PLA2G3: variants seen among roughly 807,000 people sequenced by gnomAD.
PLA2G3 encodes group 3 secretory phospholipase A2.
PLA2G3 carries 39 observed loss-of-function variants against 51.3 expected under a neutral mutation model. The observed-to-expected ratio is 0.76, with a 90% CI of 0.59 to 0.99. PLA2G3 has a LOEUF of 0.99. Among genes scored for constraint, PLA2G3 ranks in the 50% least tolerant of loss-of-function variants. The pLI is 0.00. For missense variants in PLA2G3, 677 were observed against 662.1 expected, an observed-to-expected ratio of 1.02 and a Z score of -0.25; for synonymous variants, 293 against 263.1, an observed-to-expected ratio of 1.11 and a Z score of -1.10.
At position 31,137,991 on chromosome 22, in the gene PLA2G3, C is replaced by T; in HGVS notation, c.785G>A (p.Cys262Tyr). The T allele has an allele frequency of 1.3e-6, 2 of 1,542,414 alleles. No individual in the cohort carries two copies. Among genetic ancestry groups the T allele is most frequent in the Non-Finnish European group, 1.7e-6 (2 of 1,150,102 alleles). ...GAGGGGCACTGTGCCGTACATCCTACACCTGGGTGGTGGCAGTTGGTGGAA... is the reference window on the plus strand; with the variant it reads ...GAGGGGCACTGTGCCGTACATCCTATACCTGGGTGGTGGCAGTTGGTGGAA... ...ACVAWYWWGG[C>Y]RMYGTVPLAR... The change falls in exon 4 of 7, where the codon TGT becomes TAT. Residue 262 changes from cysteine to tyrosine, a missense_variant and splice_region_variant. Physicochemically the swap from Cys to Tyr is radical, Grantham distance 194. Coordinates refer to ENST00000215885, the MANE Select transcript of PLA2G3 (RefSeq NM_015715.5).
In PLA2G3 at chr22:31,136,400, G is replaced by A. The variant is rs140354377; in HGVS notation, c.1316+283C>T. On this transcript the variant is annotated intron_variant, in intron 6 of 6. Transcript: ENST00000215885. Reference sequence around the variant, plus strand: ...CCTATGTGCATCCTGCCGTTTCCTTGGTTCCTACGACCATTTTACAGACAA... The same window carrying A: ...CCTATGTGCATCCTGCCGTTTCCTTAGTTCCTACGACCATTTTACAGACAA... 5.1e-4 allele frequency among the ~76,000 whole-genome samples: 77 copies of A among 152,232 alleles called. No individual in the cohort carries two copies. The South Asian group carries it at 9.5e-3, about 19-fold the overall frequency.
Position 31,139,833 on chromosome 22 carries a change from T to C in PLA2G3, c.514+8A>G. On this transcript the variant is annotated splice_region_variant and intron_variant, in intron 1 of 6. Coordinates refer to ENST00000215885, the MANE Select transcript of PLA2G3 (RefSeq NM_015715.5). ...GACCCCCCAGCCCACACACCCCTCA[T>C]GGCTCACCCAGCTCCGAGGAGTTCC... The C allele has an allele frequency of 6.2e-7, 1 of 1,606,626 alleles. No homozygotes were observed. The highest frequency in any genetic ancestry group is 8.5e-7 in the Non-Finnish European group (1 of 1,174,538).
rs1269646787 is a variant in PLA2G3 at position 31,135,416 on chromosome 22, T to G, written c.*307A>C. The G allele has an allele frequency of 2.4e-6, 1 of 409,226 alleles. No individual in the cohort carries two copies. 25.3% of individuals were successfully genotyped at this position (409,226 alleles called of 1,614,324 possible). ...CTGGGGCTGCTGCAATAAGTTACCCTTTCCCCATTCTCATCTGTATGTGAA... is the reference window on the plus strand; with the variant it reads ...CTGGGGCTGCTGCAATAAGTTACCCGTTCCCCATTCTCATCTGTATGTGAA... On this transcript the variant is annotated 3_prime_UTR_variant, in exon 7 of 7. Coordinates refer to ENST00000215885, the MANE Select transcript of PLA2G3 (RefSeq NM_015715.5).
At chr22:31,136,167 A>G (rs958563171) in intron 6 of PLA2G3, among the ~76,000 whole-genome samples, 4 of 152,226 alleles carry the variant, frequency 2.6e-5, no homozygotes, top group Non-Finnish European at 5.9e-5. Context: ...CCTCAGCCTC[A>G]TCTATGAAAT....
chr22:31,138,143 G>A (rs758089662), intron 3 of PLA2G3, 133 bp downstream of exon 3: 1 of 1,336,836 alleles, frequency 7.5e-7, no homozygotes, highest in South Asian at 1.4e-5. Flanking sequence ...TGCATCCCGG[G>A]CCCTCAGGAG....
chr22:31,137,775 A>G lies in PLA2G3; in HGVS notation c.1001T>C (p.Val334Ala). The change falls in exon 4 of 7, where the codon GTC becomes GCC. Residue 334 changes from valine to alanine, a missense_variant. Transcript: ENST00000215885. Reference protein sequence around the residue: ...ANTTALQDPMVSPRLDVAPTG... With the variant: ...ANTTALQDPMASPRLDVAPTG... ...GGGGGCCACATCAAGCCTGGGAGAGACCATAGGGTCCTGGAGGGCTGTGGT... is the reference window on the plus strand; with the variant it reads ...GGGGGCCACATCAAGCCTGGGAGAGGCCATAGGGTCCTGGAGGGCTGTGGT... 6.2e-7 allele frequency: 1 copy of G among 1,613,826 alleles called. No homozygotes were observed. Among genetic ancestry groups the G allele is most frequent in the East Asian group, 2.2e-5 (1 of 44,872 alleles).
Position 31,135,671 on chromosome 22 carries a change from G to A in PLA2G3, c.*52C>T, listed in dbSNP as rs975380438. 5 of 1,387,608 alleles carry A rather than the reference G, an allele frequency of 3.6e-6. No homozygotes were observed. In the African/African-American group the frequency reaches 7.1e-5, roughly 20 times the overall value. 86.0% of individuals were successfully genotyped at this position (1,387,608 alleles called of 1,614,324 possible). On this transcript the variant is annotated 3_prime_UTR_variant, in exon 7 of 7. Coordinates refer to ENST00000215885, the MANE Select transcript of PLA2G3 (RefSeq NM_015715.5). ...GGGAGGCTGAGATTCCCAAGGCTTG[G>A]CATAGCCATGGGCAAGGTCCAGGCT...
chr22:31,135,147 C>A lies in PLA2G3; in HGVS notation c.*576G>T, dbSNP rs740232. On this transcript the variant is annotated 3_prime_UTR_variant, in exon 7 of 7. Transcript: ENST00000215885. ...AGGAGATTTGAATTTAGGTTTAGGG[C>A]TGGGCCAGGAAGGGCACGGCAGCCG... is the stretch of plus-strand genomic sequence containing the variant. 0.23 allele frequency: 35,567 copies of A among 152,792 alleles called. 4,215 individuals are homozygous for A. The highest frequency in any genetic ancestry group is 0.26 in the Non-Finnish European group (17,674 of 68,588). The allele number at this position is 152,792 out of a possible 1,614,324, so 9.5% of individuals were successfully genotyped here.
chr22:31,135,738 C>A lies in PLA2G3; in HGVS notation c.1515G>T (p.Lys505Asn). Residue 505 changes from lysine (K) to asparagine (N), a missense_variant, in exon 7 of 7, where the codon AAG (lysine) becomes AAT (asparagine). Lys to Asn is a moderately conservative substitution (Grantham distance 94). Transcript: ENST00000215885. ...QAARRPDRQQKSWSQ is the reference protein window; with the variant it reads ...QAARRPDRQQNSWSQ ...GAAACTGAGGTCACTGGCTCCAGGA[C>A]TTCTGCTGCCTGTCGGGTCTCCTGG... 6.2e-7 allele frequency: 1 copy of A among 1,613,470 alleles called. No homozygotes were observed. Among genetic ancestry groups the A allele is most frequent in the Non-Finnish European group, 8.5e-7 (1 of 1,179,848 alleles).
rs1365891449 is a variant in PLA2G3, at chr22:31,140,227, C to A, written c.128G>T (p.Gly43Val). ...ATCCTTGGCCAGGAAGCTCAGGTAC[C>A]CCAGTGGGTTGCCAGGGACGGCCTT... is the stretch of plus-strand genomic sequence containing the variant. ...LTKAVPGNPLGYLSFLAKDAQ... is the reference protein window; with the variant it reads ...LTKAVPGNPLVYLSFLAKDAQ... The change falls in exon 1 of 7, where the codon GGG becomes GTG. Residue 43 changes from glycine to valine, a missense_variant. Physicochemically the swap from Gly to Val is moderately radical, Grantham distance 109 (BLOSUM62 -3). Coordinates refer to ENST00000215885, the MANE Select transcript of PLA2G3 (RefSeq NM_015715.5). 14 of 1,612,590 alleles carry A rather than the reference C, an allele frequency of 8.7e-6. No individual in the cohort carries two copies. Among genetic ancestry groups the A allele is most frequent in the Non-Finnish European group, 1.1e-5 (13 of 1,180,016 alleles).
intron 4 of PLA2G3, 55 bp downstream of exon 4, chr22:31,137,655 G>A: frequency 6.7e-7 from 1 of 1,500,798 alleles, no homozygotes; most frequent in South Asian, 1.3e-5. Flanking sequence ...CCCCTAAACA[G>A]AAGCAGGGAC....
At position 31,137,918 on chromosome 22, in the gene PLA2G3, C is replaced by G; in HGVS notation, c.858G>C (p.Arg286=). 6.2e-7 allele frequency: 1 copy of G among 1,612,644 alleles called. No individual in the cohort carries two copies. The highest frequency in any genetic ancestry group is 1.3e-5 in the African/African-American group (1 of 74,952). Residue 286 remains arginine (R), a synonymous_variant, in exon 4 of 7, where the codon CGG becomes CGC. Transcript: ENST00000215885. The stretch of plus-strand genomic sequence containing the variant: ...GGGAGCTGGGAGTTGGGGAGGTGGC[C>G]CGGGAGCTCCAGGAGGCATTGTAGA... ...RTFYNASWSS[R]ATSPTPSSRS...
Position 31,140,406 on chromosome 22 carries a change from G to C in PLA2G3, c.-52C>G. ...AAAGCCCCTGGGATGCCTGCCCTTGGTGGCCCCACCAGGCGGCAGCTGAGC... is the reference window on the plus strand; with the variant it reads ...AAAGCCCCTGGGATGCCTGCCCTTGCTGGCCCCACCAGGCGGCAGCTGAGC... On this transcript the variant is annotated 5_prime_UTR_variant, in exon 1 of 7. Coordinates refer to ENST00000215885, the MANE Select transcript of PLA2G3 (RefSeq NM_015715.5). The C allele has an allele frequency of 1.3e-6, 2 of 1,512,158 alleles. No individual in the cohort carries two copies. The highest frequency in any genetic ancestry group is 2.2e-5 in the Admixed American group (1 of 46,276). 93.7% of individuals were successfully genotyped at this position (1,512,158 alleles called of 1,614,324 possible). A position where few individuals can be genotyped will look rare whatever the true frequency, so the allele number is the denominator to read the frequency against.
At position 31,140,133 on chromosome 22, in the gene PLA2G3, C is replaced by T; in HGVS notation, c.222G>A (p.Glu74=). 1.2e-6 allele frequency: 2 copies of T among 1,612,986 alleles called. No homozygotes were observed. Among genetic ancestry groups the T allele is most frequent in the Non-Finnish European group, 1.7e-6 (2 of 1,180,004 alleles). The change falls in exon 1 of 7, where the codon GAG becomes GAA. Residue 74 remains glutamate, a synonymous_variant. Transcript: ENST00000215885. The part of the protein sequence containing the change: ...AHRRLQSCSW[E]DEPELTAAYG... ...AGGCTGCGGTGAGCTCCGGCTCATC[C>T]TCCCAGCTACATGACTGCAGCCTCC...
At position 31,140,184 on chromosome 22, in the gene PLA2G3, C is replaced by G; in HGVS notation, c.171G>C (p.Leu57=). 1 of 1,612,710 alleles carries G rather than the reference C, an allele frequency of 6.2e-7. No homozygotes were observed. Among genetic ancestry groups the G allele is most frequent in the South Asian group, 1.1e-5 (1 of 91,086 alleles). Residue 57 remains leucine (L), a synonymous_variant, in exon 1 of 7, where the codon CTG becomes CTC. Transcript: ENST00000215885. The part of the protein sequence containing the change: ...FLAKDAQGLA[L]IHARWDAHRR... ...TATGCGCATCCCAGCGGGCATGGAT[C>G]AGGGCCAGTCCCTGAGCATCCTTGG...
chr22:31,135,926 C>G lies in PLA2G3; in HGVS notation c.1327G>C (p.Asp443His). Residue 443 changes from aspartate to histidine, a missense_variant, in exon 7 of 7, where the codon GAC (aspartate) becomes CAC (histidine). By Grantham distance (81) the Asp-to-His change is moderately conservative. Coordinates refer to ENST00000215885, the MANE Select transcript of PLA2G3 (RefSeq NM_015715.5). ...DCVEGKNCSR[D>H]PRAIRVSARH... Reference sequence around the variant, plus strand: ...GCTGACACCCTGATGGCCCTAGGGTCTCTGGAACAGCTGTAAGGAGAGAAG... The same window carrying G: ...GCTGACACCCTGATGGCCCTAGGGTGTCTGGAACAGCTGTAAGGAGAGAAG... 6.2e-7 allele frequency: 1 copy of G among 1,613,154 alleles called. No homozygotes were observed. Among genetic ancestry groups the G allele is most frequent in the Non-Finnish European group, 8.5e-7 (1 of 1,179,758 alleles).
chr22:31,137,224 C>T (rs1922628723), intron 4 of PLA2G3, among the ~76,000 whole-genome samples, 184 bp from the exon 5 acceptor site: 1 of 152,232 alleles, frequency 6.6e-6, no homozygotes, highest in Non-Finnish European at 1.5e-5. Flanking sequence ...TCCCTACCCC[C>T]AAGCCGCCAA....
chr22:31,139,987 T>C lies in PLA2G3; in HGVS notation c.368A>G (p.Glu123Gly). The change falls in exon 1 of 7, where the codon GAG (glutamate) becomes GGG (glycine). Residue 123 changes from glutamate to glycine, a missense_variant. Physicochemically the swap from Glu to Gly is moderately conservative, Grantham distance 98. Transcript: ENST00000215885. ...CTTCTTCCTGGCCCCTGCTGGACTCTCCTCAAGCGCTCGGCATGCCTCCCA... is the reference window on the plus strand; with the variant it reads ...CTTCTTCCTGGCCCCTGCTGGACTCCCCTCAAGCGCTCGGCATGCCTCCCA... ...SQWEACRALE[E>G]SPAGARKKRA... is the part of the protein sequence containing the mutation. 1 of 1,613,848 alleles carries C rather than the reference T, an allele frequency of 6.2e-7. No homozygotes were observed. The highest frequency in any genetic ancestry group is 8.5e-7 in the Non-Finnish European group (1 of 1,179,996).
Position 31,135,718 on chromosome 22 carries a change from T to G in PLA2G3, c.*5A>C. On this transcript the variant is annotated 3_prime_UTR_variant, in exon 7 of 7. Transcript: ENST00000215885. ...GGCTGGTGCCCAGGAAAGCTGAAAC[T>G]GAGGTCACTGGCTCCAGGACTTCTG... The G allele has an allele frequency of 6.2e-7, 1 of 1,611,000 alleles. No homozygotes were observed. The highest frequency in any genetic ancestry group is 8.5e-7 in the Non-Finnish European group (1 of 1,178,082).
Sources: allele counts gnomAD v4.1 joint callset (sites outside exome capture counted in the v4.1 genomes callset), GRCh38; gene constraint gnomAD v4.1.1; transcripts MANE v1.5; gene names NCBI Gene and HGNC (gene_info 2026-07-23, HGNC 2026-07-21).